Variants in CNTN6 observed in about 807,000 individuals in gnomAD.
CNTN6 encodes contactin-6.
In CNTN6, 137 loss-of-function variants were observed where a neutral mutation model predicts 122.8. That is an observed-to-expected ratio of 1.12 (90% confidence interval 0.97 to 1.29). CNTN6 has a LOEUF of 1.29. CNTN6 is among the 50% of genes most tolerant of loss of function. The pLI is 0.00. For synonymous variants in CNTN6, 570 were observed against 426.0 expected, an observed-to-expected ratio of 1.34 and a Z score of -4.16; for missense variants, 1,634 against 1,223.4, an observed-to-expected ratio of 1.34 and a Z score of -5.01.
intron 4 of CNTN6, among the ~76,000 whole-genome samples, chr3:1,235,367 C>A (rs2094407983): frequency 6.6e-6 from 1 of 151,834 alleles, no homozygotes; most frequent in Non-Finnish European, 1.5e-5. Flanking sequence ...GATTTTGCTT[C>A]TAAGATTTAT....
chr3:1,354,962 A>T (rs1031773506), intron 12 of CNTN6, among the ~76,000 whole-genome samples: 1 of 151,578 alleles, frequency 6.6e-6, no homozygotes, highest in African/African-American at 2.4e-5. Flanking sequence ...AAAATTCGTG[A>T]AGAGAATTCA....
At chr3:1,352,211 C>T in intron 11 of CNTN6, 113 bp from the exon 12 acceptor site, 2 of 909,466 alleles carry the variant, frequency 2.2e-6, no homozygotes, top group East Asian at 3.0e-5. Flanking sequence ...GGAAAAAATT[C>T]ATATTATCAC....
At position 1,203,415 on chromosome 3, in the gene CNTN6, G is replaced by A. The variant is rs1049116602; in HGVS notation, c.56-17272G>A. Among the ~76,000 whole-genome samples the A allele has an allele frequency of 5.5e-4, 84 of 152,190 alleles. 3 individuals carry two copies. The highest frequency in any genetic ancestry group is 1.4e-4 in the African/African-American group (6 of 41,444). ...CTTAATCAGGCTAGTTTCACAAAGG[G>A]CAAATCTTTTCTGACGAATTTGGTG... On this transcript the variant is annotated intron_variant, in intron 2 of 22. Coordinates refer to ENST00000446702, the MANE Select transcript of CNTN6 (RefSeq NM_001289080.2).
At chr3:1,094,769 T>G (rs1226241702) in intron 1 of CNTN6, among the ~76,000 whole-genome samples, 1 of 152,158 alleles carries the variant, frequency 6.6e-6, no homozygotes, top group Admixed American at 6.5e-5. Context: ...CTGGGTTTTT[T>G]TTTTAGTAAG....
chr3:1,271,314 A>G (rs1367931527), intron 4 of CNTN6, among the ~76,000 whole-genome samples: 2 of 152,204 alleles, frequency 1.3e-5, no homozygotes, highest in Admixed American at 1.3e-4. Context: ...GCAGCGGGAC[A>G]TTTTCCTCCT....
chr3:1,103,286 G>A (rs953892488), intron 1 of CNTN6, among the ~76,000 whole-genome samples: 1 of 152,142 alleles, frequency 6.6e-6, no homozygotes, highest in Non-Finnish European at 1.5e-5. Flanking sequence ...GTTGCTGACA[G>A]GTAGAATTTT....
intron 5 of CNTN6, among the ~76,000 whole-genome samples, chr3:1,293,314 T>G (rs1695647357): frequency 6.6e-6 from 1 of 152,072 alleles, no homozygotes; most frequent in Admixed American, 6.6e-5. Context: ...TGGTTCATGC[T>G]TCATGCATTT....
At chr3:1,276,522 T>A (rs115573396) in intron 4 of CNTN6, among the ~76,000 whole-genome samples, 2,049 of 152,348 alleles carry the variant, frequency 0.013, 36 homozygotes, top group African/African-American at 0.044. Flanking sequence ...TGCTGCTTGC[T>A]ACTGTGCTTG....
chr3:1,159,276 C>T (rs991664821), intron 2 of CNTN6, among the ~76,000 whole-genome samples: 5 of 151,870 alleles, frequency 3.3e-5, no homozygotes, highest in Non-Finnish European at 7.4e-5. Flanking sequence ...TTTCTTCAGT[C>T]TGATAACAGA....
chr3:1,384,036 G>A (rs1339276526), intron 19 of CNTN6, among the ~76,000 whole-genome samples: 1 of 152,168 alleles, frequency 6.6e-6, no homozygotes, highest in East Asian at 1.9e-4. Context: ...TCAAAGTAAG[G>A]GAAATCTTTC....
intron 1 of CNTN6, among the ~76,000 whole-genome samples, chr3:1,101,397 AC>A (rs1380705339): frequency 2.0e-5 from 3 of 152,162 alleles, no homozygotes; most frequent in African/African-American, 4.8e-5. Flanking sequence ...AGAGTTTTAT[AC>A]TTACATAGCA....
chr3:1,386,637 T>C (rs1255089553), intron 20 of CNTN6, among the ~76,000 whole-genome samples: 1 of 152,094 alleles, frequency 6.6e-6, no homozygotes. Flanking sequence ...AATATTTACA[T>C]ATTCCTTATA....
In CNTN6 at chr3:1,148,907, T is replaced by C. The variant is rs552637309; in HGVS notation, c.55+844T>C. Among the ~76,000 whole-genome samples, 6 of 152,286 alleles carry C rather than the reference T, an allele frequency of 3.9e-5. No homozygotes were observed. The South Asian group carries it at 1.2e-3, about 32-fold the overall frequency. On this transcript the variant is annotated intron_variant, in intron 2 of 22. Transcript: ENST00000446702. ...AATGTTACCCTCTGTGAGTCTGGGT[T>C]CTTTTACATGGTGGCTGCTCAGGGT...
Position 1,295,719 on chromosome 3 carries a change from G to A in CNTN6, c.573G>A (p.Val191=), listed in dbSNP as rs777515505. The part of the protein sequence containing the change: ...LYIAKVEPSD[V]GNYTCFITNK... ...TTGCCAAAGTGGAACCATCAGATGTGGGCAACTACACTTGCTTTATAACTA... is the reference window on the plus strand; with the variant it reads ...TTGCCAAAGTGGAACCATCAGATGTAGGCAACTACACTTGCTTTATAACTA... The change falls in exon 6 of 23, where the codon GTG becomes GTA. Residue 191 remains valine, a synonymous_variant. Coordinates refer to ENST00000446702, the MANE Select transcript of CNTN6 (RefSeq NM_001289080.2). 1.9e-6 allele frequency: 3 copies of A among 1,614,018 alleles called. No individual in the cohort carries two copies. The highest frequency in any genetic ancestry group is 2.2e-5 in the East Asian group (1 of 44,870).
chr3:1,096,870 G>A (rs1300382099), intron 1 of CNTN6, among the ~76,000 whole-genome samples: 1 of 152,180 alleles, frequency 6.6e-6, no homozygotes, highest in Non-Finnish European at 1.5e-5. Flanking sequence ...ACTGAAGACG[G>A]AGGGTTTTTG....
At chr3:1,296,209 T>A (rs567158759) in intron 6 of CNTN6, among the ~76,000 whole-genome samples, 1 of 152,188 alleles carries the variant, frequency 6.6e-6, no homozygotes, top group Non-Finnish European at 1.5e-5. Context: ...TTTCCATATT[T>A]GCCCTTTTTT....
intron 11 of CNTN6, among the ~76,000 whole-genome samples, chr3:1,350,708 A>T (rs868081568): frequency 3.5e-4 from 53 of 151,714 alleles, no homozygotes; most frequent in African/African-American, 1.3e-3. Flanking sequence ...GTGGCTGGAA[A>T]ACTTTCTTGG....
At chr3:1,124,596 T>A (rs76450698) in intron 1 of CNTN6, among the ~76,000 whole-genome samples, 1,701 of 151,998 alleles carry the variant, frequency 0.011, 18 homozygotes, top group Middle Eastern at 0.048. Flanking sequence ...TAGTGTACAC[T>A]GGTCTAGTGA....
chr3:1,235,965 C>T lies in CNTN6; in HGVS notation c.358+7972C>T, dbSNP rs574374727. ...CGTTTTCCCTCACTTCCCTGGTGAA[C>T]TGTATGACTCAGCAGAGGCAGCCAT... On this transcript the variant is annotated intron_variant, in intron 4 of 22. Transcript: ENST00000446702. Among the ~76,000 whole-genome samples, 3 of 152,118 alleles carry T rather than the reference C, an allele frequency of 2.0e-5. No individual in the cohort carries two copies. In the East Asian group the frequency reaches 5.8e-4, roughly 30 times the overall value.
Sources: allele counts gnomAD v4.1 joint callset (sites outside exome capture counted in the v4.1 genomes callset), GRCh38; gene constraint gnomAD v4.1.1; transcripts MANE v1.5; gene names NCBI Gene and HGNC (gene_info 2026-07-23, HGNC 2026-07-21).